The following UNC5C variants were observed in gnomAD, a reference collection of about 807,000 sequenced individuals.
The protein encoded by UNC5C is unc-5 netrin receptor C, also known as netrin receptor UNC5C.
Under a neutral mutation model 99.8 loss-of-function variants are expected in UNC5C, and 47 were observed. The observed-to-expected ratio is 0.47, with a 90% CI of 0.37 to 0.60. UNC5C has a LOEUF of 0.60. Among genes scored for constraint, UNC5C ranks in the 20% least tolerant of loss-of-function variants. UNC5C has a pLI of 0.00. For missense variants in UNC5C, 1,062 were observed against 1,165.9 expected (o/e 0.91, Z 1.30); for synonymous variants, 487 against 452.2 (o/e 1.08, Z -0.98).
intron 1 of UNC5C, among the ~76,000 whole-genome samples, chr4:95,393,841 C>A (rs999298292): frequency 2.8e-5 from 4 of 140,910 alleles, no homozygotes; most frequent in African/African-American, 5.4e-5. Context: ...AATTCTTATA[C>A]AATCTACTGT....
At chr4:95,408,909 C>G (rs927426767) in intron 1 of UNC5C, among the ~76,000 whole-genome samples, 2 of 152,226 alleles carry the variant, frequency 1.3e-5, no homozygotes, top group African/African-American at 4.8e-5. Context: ...ACTTGGGAGC[C>G]TATGATTTGA....
intron 1 of UNC5C, among the ~76,000 whole-genome samples, chr4:95,403,574 A>G (rs1459459311): frequency 1.3e-5 from 2 of 152,232 alleles, no homozygotes; most frequent in Non-Finnish European, 2.9e-5. Context: ...TATTTTAAAT[A>G]TAATACCTTT....
chr4:95,170,211 G>A lies in UNC5C; in HGVS notation c.2573C>T (p.Ala858Val), dbSNP rs1259484834. ...CCAGTCATGGCCTCTCGTCTGGGGG[G>A]CATCCAGGCTGCTACAGAGCTTCTG... ...IRQKLCSSLD[A>V]PQTRGHDWRM... The change falls in exon 15 of 16, where the codon GCC becomes GTC. Residue 858 changes from alanine to valine, a missense_variant. Transcript: ENST00000453304. The A allele has an allele frequency of 1.2e-6, 2 of 1,614,158 alleles. No homozygotes were observed. Among genetic ancestry groups the A allele is most frequent in the South Asian group, 1.1e-5 (1 of 91,078 alleles).
In UNC5C at chr4:95,163,302, C is replaced by A. The variant is rs1421393476; in HGVS notation, c.*5932G>T. 6.6e-6 allele frequency: 1 copy of A among 152,184 alleles called. No individual in the cohort carries two copies. Among genetic ancestry groups the A allele is most frequent in the East Asian group, 1.9e-4 (1 of 5,190 alleles). The allele number at this position is 152,184 out of a possible 1,614,324, so 9.4% of individuals were successfully genotyped here. ...ATAGAAAAGGCAAAGGTATTTTACA[C>A]CAGCTGTAGATTTCTTGCTCTTATA... On this transcript the variant is annotated 3_prime_UTR_variant, in exon 16 of 16. Coordinates refer to ENST00000453304, the MANE Select transcript of UNC5C (RefSeq NM_003728.4).
chr4:95,399,811 C>A (rs1046203219), intron 1 of UNC5C, among the ~76,000 whole-genome samples: 34 of 152,226 alleles, frequency 2.2e-4, no homozygotes, highest in Admixed American at 9.2e-4. Context: ...TTTCTTAGAA[C>A]CCTGCTCCTT....
intron 1 of UNC5C, among the ~76,000 whole-genome samples, 163 bp downstream of exon 1, chr4:95,548,571 T>C (rs1316578489): frequency 6.6e-6 from 1 of 151,884 alleles, no homozygotes; most frequent in African/African-American, 2.4e-5. Flanking sequence ...ATTATTATTA[T>C]AATCAAAGCT....
At chr4:95,462,271 A>G (rs1747627180) in intron 1 of UNC5C, among the ~76,000 whole-genome samples, 1 of 152,206 alleles carries the variant, frequency 6.6e-6, no homozygotes, top group Admixed American at 6.5e-5. Context: ...ATAAATGTAG[A>G]CAACAAAAAA....
At chr4:95,381,424 C>T (rs1455289746) in intron 1 of UNC5C, among the ~76,000 whole-genome samples, 1 of 152,146 alleles carries the variant, frequency 6.6e-6, no homozygotes, top group Non-Finnish European at 1.5e-5. Context: ...AGTGAAGGGG[C>T]AACAACTCCT....
chr4:95,532,916 A>C (rs550462947), intron 1 of UNC5C, among the ~76,000 whole-genome samples: 1 of 151,858 alleles, frequency 6.6e-6, no homozygotes, highest in African/African-American at 2.4e-5. Context: ...GCTAAAAAAA[A>C]AAAAAAGGTT....
At chr4:95,530,340 G>A (rs1216121852) in intron 1 of UNC5C, among the ~76,000 whole-genome samples, 1 of 152,116 alleles carries the variant, frequency 6.6e-6, no homozygotes, top group Non-Finnish European at 1.5e-5. Flanking sequence ...GGTAATGAAT[G>A]GGGTCATACA....
intron 2 of UNC5C, among the ~76,000 whole-genome samples, chr4:95,332,207 T>C (rs1194445801): frequency 3.3e-5 from 5 of 151,992 alleles, no homozygotes; most frequent in Admixed American, 1.3e-4. Context: ...CTTCACAGAA[T>C]TGGAAAAAAC....
At chr4:95,533,354 C>T (rs939032323) in intron 1 of UNC5C, among the ~76,000 whole-genome samples, 1 of 151,786 alleles carries the variant, frequency 6.6e-6, no homozygotes, top group Non-Finnish European at 1.5e-5. Flanking sequence ...CGAGATTGCA[C>T]CACTGCACTC....
At chr4:95,225,350 C>T (rs939745039) in intron 7 of UNC5C, among the ~76,000 whole-genome samples, 21 of 152,152 alleles carry the variant, frequency 1.4e-4, no homozygotes, top group Non-Finnish European at 1.3e-4. Context: ...AGTCACTGCA[C>T]CTGGCCTCCA....
chr4:95,340,967 A>G (rs1227897838), intron 1 of UNC5C, among the ~76,000 whole-genome samples: 1 of 152,144 alleles, frequency 6.6e-6, no homozygotes, highest in East Asian at 1.9e-4. Flanking sequence ...TGCAAAAGAA[A>G]ATTTTTGCTT....
chr4:95,183,438 A>AT (rs1736698354), intron 13 of UNC5C, among the ~76,000 whole-genome samples: 1 of 152,176 alleles, frequency 6.6e-6, no homozygotes, highest in Non-Finnish European at 1.5e-5. Flanking sequence ...CACACCAGCC[A>AT]TTGCTCATTA....
chr4:95,394,044 T>C (rs1405493797), intron 1 of UNC5C, among the ~76,000 whole-genome samples: 1 of 152,146 alleles, frequency 6.6e-6, no homozygotes, highest in East Asian at 1.9e-4. Flanking sequence ...AAGGACATCT[T>C]ATCTGCAAAT....
At chr4:95,544,322 C>G (rs1383076152) in intron 1 of UNC5C, among the ~76,000 whole-genome samples, 1 of 152,124 alleles carries the variant, frequency 6.6e-6, no homozygotes, top group Non-Finnish European at 1.5e-5. Flanking sequence ...ATGAAACTTG[C>G]ATTAAATCTA....
chr4:95,176,128 C>G (rs1337508746), intron 14 of UNC5C, among the ~76,000 whole-genome samples: 1 of 150,980 alleles, frequency 6.6e-6, no homozygotes, highest in African/African-American at 2.4e-5. Flanking sequence ...ATTGGTTATT[C>G]TAGTTATACA....
At chr4:95,313,137 T>C (rs1322059170) in intron 2 of UNC5C, among the ~76,000 whole-genome samples, 1 of 152,086 alleles carries the variant, frequency 6.6e-6, no homozygotes, top group East Asian at 1.9e-4. Context: ...GAAGAGAGAA[T>C]AGCATGAAGC....
Sources: allele counts gnomAD v4.1 joint callset (sites outside exome capture counted in the v4.1 genomes callset), GRCh38; gene constraint gnomAD v4.1.1; transcripts MANE v1.5; gene names NCBI Gene and HGNC (gene_info 2026-07-23, HGNC 2026-07-21).